TMPRSS5: variants seen among roughly 807,000 people sequenced by gnomAD.
TMPRSS5 encodes transmembrane serine protease 5, also known as transmembrane protease serine 5.
A neutral mutation model predicts 59.7 loss-of-function variants in TMPRSS5; 45 were observed. That is an observed-to-expected ratio of 0.75 (90% CI 0.59 to 0.97). The LOEUF (loss-of-function observed/expected upper bound fraction) is 0.97. Ranked by LOEUF, TMPRSS5 falls within the 50% of genes least tolerant of loss-of-function variation. The pLI, the probability that TMPRSS5 is intolerant of heterozygous loss-of-function variation, is 0.00. For synonymous variants in TMPRSS5, 225 were observed against 232.0 expected, an observed-to-expected ratio of 0.97 and a Z score of 0.27; for missense variants, 585 against 596.7, an observed-to-expected ratio of 0.98 and a Z score of 0.20.
rs117036808 is a variant in TMPRSS5 at position 113,705,222 on chromosome 11, C to T, written c.3+1000G>A. Among the ~76,000 whole-genome samples the T allele has an allele frequency of 5.3e-3, 807 of 152,248 alleles. 25 individuals carry two copies. The East Asian group carries it at 0.086, about 16-fold the overall frequency. On this transcript the variant is annotated intron_variant, in intron 1 of 12. Coordinates refer to ENST00000299882, the MANE Select transcript of TMPRSS5 (RefSeq NM_030770.4). Reference sequence around the variant, plus strand: ...TGTGTCACATGAAATGTTCTTTTCACGCCAAAACCTCCCCAGTCATGCCTT... The same window carrying T: ...TGTGTCACATGAAATGTTCTTTTCATGCCAAAACCTCCCCAGTCATGCCTT...
chr11:113,701,079 G>A (rs1293413852), intron 1 of TMPRSS5, among the ~76,000 whole-genome samples: 1 of 152,266 alleles, frequency 6.6e-6, no homozygotes, highest in Non-Finnish European at 1.5e-5. Flanking sequence ...ATGAGGAACT[G>A]TGAGTCAATT....
Position 113,694,609 on chromosome 11 carries a change from T to C in TMPRSS5, c.654A>G (p.Ile218Met), listed in dbSNP as rs948990446. ...ECGARPLASRIVGGQSVAPGR... is the reference protein window; with the variant it reads ...ECGARPLASRMVGGQSVAPGR... ...CAGGAGCCACAGACTGCCCACCAAC[T>C]ATCCGGGAAGCCAGGGGCCTCGCTC... Residue 218 changes from isoleucine to methionine, a missense_variant, in exon 8 of 13, where the codon ATA (isoleucine) becomes ATG (methionine). Transcript: ENST00000299882. 3 of 1,550,520 alleles carry C rather than the reference T, an allele frequency of 1.9e-6. No individual in the cohort carries two copies. Among genetic ancestry groups the C allele is most frequent in the Non-Finnish European group, 2.6e-6 (3 of 1,147,384 alleles).
intron 1 of TMPRSS5, 119 bp from the exon 2 acceptor site, chr11:113,700,287 A>C: frequency 2.2e-6 from 2 of 904,268 alleles, no homozygotes; most frequent in African/African-American, 1.7e-5. Context: ...CCACTTGTAA[A>C]CCTCTACTCA....
At chr11:113,690,176 G>GGCCCCCCCCCCCCCCCCCCCCC in intron 11 of TMPRSS5, 55 bp downstream of exon 11, 3 of 388,222 alleles carry the variant, frequency 7.7e-6, no homozygotes, top group Non-Finnish European at 8.3e-6. Context: ...CAGGCCCCCT[G>GGCCCCCCCCCCCCCCCCCCCCC]CCCTCCCACC....
chr11:113,702,859 T>C (rs111276077), intron 1 of TMPRSS5, among the ~76,000 whole-genome samples: 3,523 of 152,332 alleles, frequency 0.023, 137 homozygotes, highest in African/African-American at 0.079. Context: ...AGTCAATAAC[T>C]GAGGTTTGAA....
chr11:113,706,200 T>C (rs889247628), intron 1 of TMPRSS5, 22 bp downstream of exon 1: 13 of 1,596,384 alleles, frequency 8.1e-6, no homozygotes. Flanking sequence ...ACAGCAGGGA[T>C]GGCACAGAGA....
rs371595130 is a variant in TMPRSS5, at chr11:113,695,363, C to A, written c.622+37G>T. 6 of 1,612,622 alleles carry A rather than the reference C, an allele frequency of 3.7e-6. No individual in the cohort carries two copies. The African/African-American group carries it at 5.3e-5, about 14-fold the overall frequency. ...TGAGGCAGGGGGAACACCCCTTCCTCTCACCGCCACCTCCCCTAGACCAAG... is the reference window on the plus strand; with the variant it reads ...TGAGGCAGGGGGAACACCCCTTCCTATCACCGCCACCTCCCCTAGACCAAG... On this transcript the variant is annotated intron_variant, in intron 7 of 12. Coordinates refer to ENST00000299882, the MANE Select transcript of TMPRSS5 (RefSeq NM_030770.4).
intron 4 of TMPRSS5, among the ~76,000 whole-genome samples, chr11:113,698,252 C>A (rs780564080): frequency 3.6e-5 from 4 of 112,670 alleles, no homozygotes; most frequent in Non-Finnish European, 6.7e-5. Context: ...CATGGCAAAC[C>A]AAACAGACTA....
chr11:113,695,361 C>T, intron 7 of TMPRSS5, 39 bp downstream of exon 7: 8 of 1,611,676 alleles, frequency 5.0e-6, no homozygotes, highest in Non-Finnish European at 5.9e-6. Flanking sequence ...ACACCCCTTC[C>T]TCTCACCGCC....
intron 11 of TMPRSS5, 56 bp downstream of exon 11, chr11:113,690,175 T>TTCCCCC: frequency 6.3e-6 from 1 of 159,590 alleles, no homozygotes; most frequent in Non-Finnish European, 1.1e-5. Flanking sequence ...GCAGGCCCCC[T>TTCCCCC]GCCCTCCCAC....
chr11:113,703,488 C>T (rs183930632), intron 1 of TMPRSS5, among the ~76,000 whole-genome samples: 23 of 152,174 alleles, frequency 1.5e-4, no homozygotes, highest in South Asian at 1.2e-3. Context: ...AATGCTGGAA[C>T]GAGTTAAGAC....
At chr11:113,699,052 G>GATTTCTCTTT (rs1304975336) in intron 3 of TMPRSS5, 25 bp from the exon 4 acceptor site, 1 of 1,606,248 alleles carries the variant, frequency 6.2e-7, no homozygotes, top group East Asian at 2.2e-5. Flanking sequence ...AAAGAGAAAG[G>GATTTCTCTTT]GTCTGATTTC....
At chr11:113,704,456 T>C (rs1953230585) in intron 1 of TMPRSS5, among the ~76,000 whole-genome samples, 1 of 152,150 alleles carries the variant, frequency 6.6e-6, no homozygotes, top group South Asian at 2.1e-4. Flanking sequence ...TGAGTCTTTG[T>C]GGCCTTCAGG....
intron 3 of TMPRSS5, among the ~76,000 whole-genome samples, chr11:113,699,244 TCTCTC>T (rs1953031771): frequency 1.2e-5 from 1 of 81,182 alleles, no homozygotes; most frequent in Non-Finnish European, 2.2e-5. Context: ...TCTCTCTCTC[TCTCTC>T]TCTCTCTCTC....
Position 113,690,277 on chromosome 11 carries a change from C to T in TMPRSS5, c.1160G>A (p.Arg387His), listed in dbSNP as rs755529400. ...SCVYSGALTP[R>H]MLCAGYLDGR... is the part of the protein sequence containing the mutation. ...GTCCAGGTAGCCAGCGCAAAGCATG[C>T]GGGGGGTGAGGGCTCCGCTGTACAC... Residue 387 changes from arginine to histidine, a missense_variant, in exon 11 of 13, where the codon CGC (arginine) becomes CAC (histidine). Physicochemically the swap from Arg to His is conservative, Grantham distance 29. Coordinates refer to ENST00000299882, the MANE Select transcript of TMPRSS5 (RefSeq NM_030770.4). 2.7e-5 allele frequency: 42 copies of T among 1,567,128 alleles called. No individual in the cohort carries two copies. The East Asian group carries it at 6.2e-4, about 23-fold the overall frequency.
chr11:113,690,945 G>A lies in TMPRSS5; in HGVS notation c.965-6C>T. On this transcript the variant is annotated splice_region_variant and splice_polypyrimidine_tract_variant and intron_variant, in intron 9 of 12. Coordinates refer to ENST00000299882, the MANE Select transcript of TMPRSS5 (RefSeq NM_030770.4). The stretch of plus-strand genomic sequence containing the variant: ...GCACACAGCGCCCACAGTGTCTGTA[G>A]AGAGGCACATGGTCCTGGTCCCCAG... 1.3e-6 allele frequency: 2 copies of A among 1,577,990 alleles called. No homozygotes were observed. Among genetic ancestry groups the A allele is most frequent in the South Asian group, 1.2e-5 (1 of 85,786 alleles).
chr11:113,691,142 C>T, intron 9 of TMPRSS5: 1 of 581,504 alleles, frequency 1.7e-6, no homozygotes, highest in Admixed American at 3.1e-5. Context: ...TCACAGAGGA[C>T]AGCATGCAAA....
chr11:113,703,560 G>A (rs1953200658), intron 1 of TMPRSS5, among the ~76,000 whole-genome samples: 1 of 152,160 alleles, frequency 6.6e-6, no homozygotes, highest in Non-Finnish European at 1.5e-5. Flanking sequence ...ATTTGGAAGG[G>A]ACCAGGATAG....
chr11:113,702,649 C>T (rs990323671), intron 1 of TMPRSS5, among the ~76,000 whole-genome samples: 1 of 152,118 alleles, frequency 6.6e-6, no homozygotes, highest in Non-Finnish European at 1.5e-5. Flanking sequence ...GACCAGAGGC[C>T]CAGGAGAGAA....
Sources: gnomAD v4.1 joint callset for allele counts (sites outside exome capture counted in the v4.1 genomes callset) on GRCh38, gnomAD v4.1.1 for gene constraint, MANE v1.5 for transcripts, NCBI Gene and HGNC (gene_info 2026-07-23, HGNC 2026-07-21) for gene names.